DENND6A: variants seen among roughly 807,000 people sequenced by gnomAD.
DENND6A encodes DENN domain containing 6A, also known as protein DENND6A.
A neutral mutation model predicts 95.5 loss-of-function variants in DENND6A; 43 were observed. The ratio of observed to expected loss-of-function variants is 0.45; its 90% CI spans 0.35 to 0.58. DENND6A has a LOEUF of 0.58. Among genes scored for constraint, DENND6A ranks in the 20% least tolerant of loss-of-function variants. DENND6A has a pLI of 0.00. For synonymous variants in DENND6A, 257 were observed against 260.4 expected, an observed-to-expected ratio of 0.99 and a Z score of 0.13; for missense variants, 574 against 736.0, an observed-to-expected ratio of 0.78 and a Z score of 2.55.
rs749583282 is a variant in DENND6A, at chr3:57,628,274, G to A, written c.1767C>T (p.Ala589=). 9 of 1,613,952 alleles carry A rather than the reference G, an allele frequency of 5.6e-6. No homozygotes were observed. Among genetic ancestry groups the A allele is most frequent in the Admixed American group, 1.7e-5 (1 of 59,974 alleles). ...TMEKLRTHID[A]IILALPEDLQ... is the part of the protein sequence containing the mutation. Reference sequence around the variant, plus strand: ...AGTCCTCTGGCAATGCTAAGATAATGGCATCTATGTGTGTCCGTAACTTTT... The same window carrying A: ...AGTCCTCTGGCAATGCTAAGATAATAGCATCTATGTGTGTCCGTAACTTTT... The change falls in exon 20 of 20, where the codon GCC becomes GCT. Residue 589 remains alanine, a synonymous_variant. Coordinates refer to ENST00000311128, the MANE Select transcript of DENND6A (RefSeq NM_152678.3).
chr3:57,665,057 T>C (rs2071505580), intron 4 of DENND6A, among the ~76,000 whole-genome samples: 1 of 152,040 alleles, frequency 6.6e-6, no homozygotes, highest in Non-Finnish European at 1.5e-5. Context: ...GAAAAATACA[T>C]GCTATCTCAG....
At chr3:57,666,798 G>C (rs1304880684) in intron 3 of DENND6A, among the ~76,000 whole-genome samples, 1 of 152,146 alleles carries the variant, frequency 6.6e-6, no homozygotes, top group Non-Finnish European at 1.5e-5. Context: ...ACTTCCAGCA[G>C]TAACACTCAA....
At chr3:57,669,641 G>A (rs566491398) in intron 3 of DENND6A, among the ~76,000 whole-genome samples, 2 of 152,014 alleles carry the variant, frequency 1.3e-5, no homozygotes, top group African/African-American at 4.8e-5. Context: ...CGTGAACCCG[G>A]GAGGCAGAGC....
intron 1 of DENND6A, among the ~76,000 whole-genome samples, chr3:57,686,764 C>T (rs1042916429): frequency 2.0e-5 from 3 of 152,170 alleles, no homozygotes; most frequent in Non-Finnish European, 2.9e-5. Context: ...ACTGACGAGC[C>T]ATTACCCCAT....
chr3:57,632,270 C>T (rs536128941), intron 15 of DENND6A, among the ~76,000 whole-genome samples: 1 of 151,804 alleles, frequency 6.6e-6, no homozygotes, highest in East Asian at 1.9e-4. Context: ...GTGATCTGCC[C>T]GCCTCAGTCT....
chr3:57,668,043 C>A (rs1303537210), intron 3 of DENND6A, among the ~76,000 whole-genome samples: 3 of 151,860 alleles, frequency 2.0e-5, no homozygotes, highest in Non-Finnish European at 4.4e-5. Context: ...CCAGCCTGGG[C>A]AACAGAGCAA....
Position 57,672,296 on chromosome 3 carries a change from T to G in DENND6A, c.279A>C (p.Lys93Asn). The change falls in exon 3 of 20, where the codon AAA becomes AAC. Residue 93 changes from lysine to asparagine, a missense_variant and splice_region_variant. By Grantham distance (94) the Lys-to-Asn change is moderately conservative (BLOSUM62 0). This residue lies in a region of DENND6A where 452 missense variants were observed against 630.9 expected (regional missense o/e 0.72). Coordinates refer to ENST00000311128, the MANE Select transcript of DENND6A (RefSeq NM_152678.3). ...PQHSKLTDRE[K>N]TNICYLSFPD... ...GAAAAGACAAATAGCAAATATTGGT[T>G]TTCTGAAAAAGAAAACAAAAGTGAT... The G allele has an allele frequency of 1.2e-6, 2 of 1,609,590 alleles. No homozygotes were observed. The highest frequency in any genetic ancestry group is 1.7e-6 in the Non-Finnish European group (2 of 1,178,760).
intron 12 of DENND6A, among the ~76,000 whole-genome samples, chr3:57,641,132 G>T (rs2153413187): frequency 6.8e-6 from 1 of 147,016 alleles, no homozygotes. Context: ...TATATATATA[G>T]AAAGTTCTGT....
At chr3:57,668,145 G>A (rs1420895074) in intron 3 of DENND6A, among the ~76,000 whole-genome samples, 2 of 151,164 alleles carry the variant, frequency 1.3e-5, no homozygotes, top group Non-Finnish European at 3.0e-5. Flanking sequence ...CAATTAAATT[G>A]TTTTTCAAAA....
intron 1 of DENND6A, among the ~76,000 whole-genome samples, chr3:57,692,246 A>C (rs1018249669): frequency 1.3e-4 from 20 of 151,760 alleles, no homozygotes; most frequent in East Asian, 3.9e-4. Flanking sequence ...AAAAAAAAAA[A>C]AAAACAGAAA....
chr3:57,657,791 T>G, intron 8 of DENND6A, 56 bp from the exon 9 acceptor site: 1 of 1,105,284 alleles, frequency 9.0e-7, no homozygotes, highest in Admixed American at 2.2e-5. Context: ...ATGGAAAATT[T>G]TAAAATATAT....
At chr3:57,641,232 T>C (rs2070924801) in intron 12 of DENND6A, among the ~76,000 whole-genome samples, 2 of 144,110 alleles carry the variant, frequency 1.4e-5, no homozygotes, top group South Asian at 4.2e-4. Flanking sequence ...TATATTTAAA[T>C]ATTTAAATAT....
intron 14 of DENND6A, among the ~76,000 whole-genome samples, chr3:57,633,950 T>C (rs760856417): frequency 2.6e-5 from 4 of 152,050 alleles, no homozygotes; most frequent in Non-Finnish European, 5.9e-5. Context: ...TGCTATACTA[T>C]ACTATTTACA....
rs1238537180 is a variant in DENND6A, at chr3:57,625,929, C to T, written c.*2285G>A. On this transcript the variant is annotated 3_prime_UTR_variant, in exon 20 of 20. Transcript: ENST00000311128. ...AATTTAAAAGATCCTTGATATGACA[C>T]CAACAACTTACAAATTCTGGTCACA... The T allele has an allele frequency of 3.3e-5, 5 of 152,442 alleles. No individual in the cohort carries two copies. Among genetic ancestry groups the T allele is most frequent in the Admixed American group, 1.3e-4 (2 of 15,242 alleles). 9.4% of individuals were successfully genotyped at this position (152,442 alleles called of 1,614,324 possible).
intron 12 of DENND6A, among the ~76,000 whole-genome samples, chr3:57,639,323 A>G (rs1281490693): frequency 1.3e-5 from 2 of 152,216 alleles, no homozygotes; most frequent in African/African-American, 4.8e-5. Context: ...AAGAATGTAA[A>G]CTGATGGGCC....
In DENND6A at chr3:57,625,806, C is replaced by CA; in HGVS notation, c.*2407dup. ...ACATGTGTTAGGTTTCAGTTAAATA[C>CA]AGTAAAAATGAAGACACCATTATCA... On this transcript the variant is annotated 3_prime_UTR_variant, in exon 20 of 20. Transcript: ENST00000311128. 1 of 152,640 alleles carries CA rather than the reference C, an allele frequency of 6.6e-6. No individual in the cohort carries two copies. Among genetic ancestry groups the CA allele is most frequent in the South Asian group, 2.1e-4 (1 of 4,830 alleles). The allele number at this position is 152,640 out of a possible 1,614,324, so 9.5% of individuals were successfully genotyped here.
chr3:57,679,253 C>T (rs2077137887), intron 1 of DENND6A, among the ~76,000 whole-genome samples: 1 of 152,170 alleles, frequency 6.6e-6, no homozygotes, highest in African/African-American at 2.4e-5. Context: ...TGCACACATC[C>T]TATTCTTTTA....
intron 1 of DENND6A, among the ~76,000 whole-genome samples, chr3:57,689,632 T>C (rs953597221): frequency 5.9e-5 from 9 of 152,202 alleles, no homozygotes; most frequent in Admixed American, 5.9e-4. Flanking sequence ...CCCCTTCTAC[T>C]CAGGGCTTTA....
At chr3:57,684,151 CAAAAAAAAA>C (rs35147242) in intron 1 of DENND6A, among the ~76,000 whole-genome samples, 1 of 79,130 alleles carries the variant, frequency 1.3e-5, no homozygotes, top group Non-Finnish European at 2.3e-5. Context: ...GACTCCGTCT[CAAAAAAAAA>C]AAAAAAAAAA....
Sources: allele counts gnomAD v4.1 joint callset (sites outside exome capture counted in the v4.1 genomes callset), GRCh38; gene constraint gnomAD v4.1.1; regional missense constraint gnomAD v4.1.1; transcripts MANE v1.5; gene names NCBI Gene and HGNC (gene_info 2026-07-23, HGNC 2026-07-21).